Variants in S100A8 observed in about 807,000 individuals in gnomAD.
S100A8 encodes protein S100-A8.
Under a neutral mutation model 4.2 loss-of-function variants are expected in S100A8, and 1 was observed. The ratio of observed to expected loss-of-function variants is 0.24; its 90% CI spans 0.08 to 1.12. S100A8 has a LOEUF of 1.12. Among genes scored for constraint, S100A8 ranks in the 50% most tolerant of loss-of-function variants. S100A8 has a pLI of 0.53. For synonymous variants in S100A8, 41 were observed against 44.7 expected (o/e 0.92, Z 0.33); for missense variants, 96 against 111.8 (o/e 0.86, Z 0.64).
chr1:153,393,722 A>G (rs573399810), upstream of S100A8, among the ~76,000 whole-genome samples: 8 of 152,366 alleles, frequency 5.3e-5, no homozygotes, highest in African/African-American at 1.4e-4. Flanking sequence ...CCAGCATAAC[A>G]GCACCTGCCT....
At chr1:153,419,148 A>G in the S100A8 span, 3 of 1,613,532 alleles carry the variant, frequency 1.9e-6, no homozygotes, top group East Asian at 4.5e-5. Context: ...TTCACAGGAC[A>G]AAAAGGGCAT....
Position 153,390,446 on chromosome 1 carries a change from G to A in S100A8, c.90C>T (p.Tyr30=), listed in dbSNP as rs1015330971. ...SLIKGNFHAV[Y]RDDLKKLLET... Reference sequence around the variant, plus strand: ...CTAGCAATTTCTTCAGGTCATCCCTGTAGACGGCATGGAAATTCCCCTTTA... The same window carrying A: ...CTAGCAATTTCTTCAGGTCATCCCTATAGACGGCATGGAAATTCCCCTTTA... The change falls in exon 2 of 3, where the codon TAC becomes TAT. Residue 30 remains tyrosine (Y), a synonymous_variant. Coordinates refer to ENST00000368733, the MANE Select transcript of S100A8 (RefSeq NM_002964.5). 2.5e-6 allele frequency: 4 copies of A among 1,614,066 alleles called. No homozygotes were observed. In the African/African-American group the frequency reaches 4.0e-5, roughly 16 times the overall value.
the S100A8 span, among the ~76,000 whole-genome samples, chr1:153,408,526 G>T: frequency 6.6e-6 from 1 of 152,170 alleles, no homozygotes; most frequent in East Asian, 1.9e-4. Context: ...GTGAGGAGGA[G>T]AATGGAACCA....
At chr1:153,394,879 C>A (rs1017427825), upstream of S100A8, among the ~76,000 whole-genome samples, 2 of 152,008 alleles carry the variant, frequency 1.3e-5, no homozygotes, top group African/African-American at 4.8e-5. Context: ...GGTATATCAC[C>A]CCCCAACACT....
the S100A8 span, among the ~76,000 whole-genome samples, chr1:153,407,598 T>C: frequency 6.6e-6 from 1 of 152,196 alleles, no homozygotes; most frequent in African/African-American, 2.4e-5. Flanking sequence ...GCGTCCCTGT[T>C]TGACAGCTTT....
upstream of S100A8, among the ~76,000 whole-genome samples, chr1:153,395,371 G>A (rs1662191216): frequency 6.6e-6 from 1 of 152,128 alleles, no homozygotes; most frequent in African/African-American, 2.4e-5. Flanking sequence ...ATTCCCTGCA[G>A]ACTGGCTCCC....
At chr1:153,401,150 ATGCTAGCCTGATTTT>A in the S100A8 span, among the ~76,000 whole-genome samples, 1 of 152,266 alleles carries the variant, frequency 6.6e-6, no homozygotes, top group Non-Finnish European at 1.5e-5. Context: ...TGCTTAATCA[ATGCTAGCCTGATTTT>A]TGGCGAGTAC....
upstream of S100A8, chr1:153,391,171 T>C: frequency 1.0e-6 from 1 of 985,508 alleles, no homozygotes; most frequent in Non-Finnish European, 1.2e-6. Context: ...CCAGAGTTGC[T>C]ACAGTCTCTG....
chr1:153,407,416 G>A, the S100A8 span, among the ~76,000 whole-genome samples: 1 of 152,184 alleles, frequency 6.6e-6, no homozygotes, highest in African/African-American at 2.4e-5. Context: ...AGTGAGGCTG[G>A]GGGCAGGGTG....
At chr1:153,404,002 C>A in the S100A8 span, among the ~76,000 whole-genome samples, 1 of 152,176 alleles carries the variant, frequency 6.6e-6, no homozygotes, top group African/African-American at 2.4e-5. Context: ...TTCCTACAAA[C>A]CCCCTCCTCA....
At chr1:153,409,678 C>T in the S100A8 span, among the ~76,000 whole-genome samples, 4 of 152,224 alleles carry the variant, frequency 2.6e-5, no homozygotes, top group African/African-American at 7.2e-5. Context: ...CTCAGCACCA[C>T]GTCACATTTA....
the S100A8 span, chr1:153,420,114 C>T: frequency 6.6e-6 from 1 of 152,262 alleles, no homozygotes; most frequent in Non-Finnish European, 1.5e-5. Flanking sequence ...AAGGCAGCAT[C>T]ACGGAAATTC....
upstream of S100A8, among the ~76,000 whole-genome samples, chr1:153,393,639 G>A (rs570857501): frequency 2.0e-5 from 3 of 152,260 alleles, no homozygotes. Flanking sequence ...CGCCATTTCT[G>A]ACATGACAAG....
the S100A8 span, among the ~76,000 whole-genome samples, chr1:153,412,511 G>A: frequency 1.3e-5 from 2 of 152,180 alleles, no homozygotes. Context: ...GGAGAAATAG[G>A]AACAGTTTTA....
At chr1:153,411,381 T>C in the S100A8 span, among the ~76,000 whole-genome samples, 91 of 152,330 alleles carry the variant, frequency 6.0e-4, 3 homozygotes, top group South Asian at 0.017. Context: ...CCATTCACAA[T>C]TGCTTCAAAG....
the S100A8 span, chr1:153,422,386 G>A: frequency 2.3e-6 from 1 of 425,850 alleles, no homozygotes; most frequent in Non-Finnish European, 3.1e-6. Flanking sequence ...GTGTCATATT[G>A]ATCAGAATTC....
At chr1:153,400,496 G>A in the S100A8 span, among the ~76,000 whole-genome samples, 843 of 152,294 alleles carry the variant, frequency 5.5e-3, 6 homozygotes, top group African/African-American at 0.019. Flanking sequence ...CCAGAATGGG[G>A]CGCCAAAGGG....
At chr1:153,417,520 G>A in the S100A8 span, among the ~76,000 whole-genome samples, 34 of 152,244 alleles carry the variant, frequency 2.2e-4, no homozygotes, top group Non-Finnish European at 2.6e-4. Context: ...TCATGTCCAC[G>A]CTCACATGTG....
At chr1:153,400,542 C>T in the S100A8 span, among the ~76,000 whole-genome samples, 72 of 152,316 alleles carry the variant, frequency 4.7e-4, no homozygotes, top group South Asian at 3.9e-3. Flanking sequence ...CTATGCATCT[C>T]TGAAGGCTGG....
Sources: allele counts gnomAD v4.1 joint callset (sites outside exome capture counted in the v4.1 genomes callset), GRCh38; gene constraint gnomAD v4.1.1; transcripts MANE v1.5; gene names NCBI Gene and HGNC (gene_info 2026-07-23, HGNC 2026-07-21).